CAST: variants seen among roughly 807,000 people sequenced by gnomAD.
CAST encodes the protein calpastatin.
In CAST, 76 loss-of-function variants were observed where a neutral mutation model predicts 119.6. That is an observed-to-expected ratio of 0.64 (90% CI 0.53 to 0.77). The LOEUF (loss-of-function observed/expected upper bound fraction) is 0.77, where lower values mean the gene tolerates loss of function less well. Ranked by LOEUF, CAST falls within the 30% of genes least tolerant of loss-of-function variation. CAST has a pLI of 0.00. For synonymous variants in CAST, 319 were observed against 331.6 expected (o/e 0.96, Z 0.41); for missense variants, 953 against 946.5 (o/e 1.01, Z -0.09).
the CAST span, among the ~76,000 whole-genome samples, chr5:95,989,741 G>C: frequency 6.6e-6 from 1 of 152,154 alleles, no homozygotes; most frequent in South Asian, 2.1e-4. Flanking sequence ...TTGAAGGTAA[G>C]TTAAAGATCA....
intron 20 of CAST, among the ~76,000 whole-genome samples, chr5:96,751,358 A>G (rs1765011072): frequency 6.6e-6 from 1 of 152,102 alleles, no homozygotes; most frequent in Non-Finnish European, 1.5e-5. Context: ...ATTGCTCTAG[A>G]TGTTTTGCAA....
the CAST span, among the ~76,000 whole-genome samples, chr5:96,118,451 AC>A: frequency 6.6e-6 from 1 of 152,154 alleles, no homozygotes; most frequent in Non-Finnish European, 1.5e-5. Flanking sequence ...TGTTTCTTTC[AC>A]GTAGAGTTTG....
intron 24 of CAST, among the ~76,000 whole-genome samples, chr5:96,759,388 AGACT>A (rs1231225750): frequency 7.9e-5 from 12 of 152,192 alleles, no homozygotes; most frequent in Non-Finnish European, 1.6e-4. Flanking sequence ...CATTGATAAT[AGACT>A]ATTTTAAAAC....
At chr5:96,656,818 T>A (rs1044583143) in intron 1 of CAST, among the ~76,000 whole-genome samples, 2 of 152,160 alleles carry the variant, frequency 1.3e-5, no homozygotes, top group Non-Finnish European at 1.5e-5. Flanking sequence ...TGGCCCCTGG[T>A]GCATGCTCTT....
chr5:96,529,387 T>C (rs1363588225), upstream of CAST, among the ~76,000 whole-genome samples: 1 of 147,436 alleles, frequency 6.8e-6, no homozygotes, highest in Non-Finnish European at 1.5e-5. Context: ...TTTTTTTTGG[T>C]TTCTTTTTTG....
the CAST span, among the ~76,000 whole-genome samples, chr5:96,261,461 C>G: frequency 6.6e-6 from 1 of 152,156 alleles, no homozygotes; most frequent in Non-Finnish European, 1.5e-5. Context: ...TAGGGAAAGG[C>G]TATACATGAT....
At chr5:96,020,065 A>G in the CAST span, among the ~76,000 whole-genome samples, 4 of 152,216 alleles carry the variant, frequency 2.6e-5, no homozygotes, top group African/African-American at 9.7e-5. Context: ...TCAGCAAGTA[A>G]GATATTATCC....
At chr5:96,278,002 G>A in the CAST span, among the ~76,000 whole-genome samples, 1 of 152,090 alleles carries the variant, frequency 6.6e-6, no homozygotes, top group African/African-American at 2.4e-5. Flanking sequence ...ACCTTAACTG[G>A]AGGGTGGGGA....
the CAST span, among the ~76,000 whole-genome samples, chr5:96,409,836 A>T: frequency 6.6e-6 from 1 of 152,238 alleles, no homozygotes; most frequent in Non-Finnish European, 1.5e-5. Flanking sequence ...CACACTTCTA[A>T]GTTGAGACCA....
chr5:96,520,531 G>A (rs1745498864), upstream of CAST, among the ~76,000 whole-genome samples: 2 of 152,058 alleles, frequency 1.3e-5, no homozygotes, highest in South Asian at 2.1e-4. Flanking sequence ...GTGTCAGTGT[G>A]TGTGTGTCTG....
intron 1 of CAST, among the ~76,000 whole-genome samples, 186 bp downstream of exon 1, chr5:96,662,683 C>T (rs188846610): frequency 0.011 from 1,031 of 91,162 alleles, 19 homozygotes; most frequent in African/African-American, 0.054. Flanking sequence ...TTCGGTTCCC[C>T]GGCCGGGTCC....
intron 3 of CAST, among the ~76,000 whole-genome samples, chr5:96,698,449 A>G (rs951059931): frequency 1.3e-5 from 2 of 152,100 alleles, no homozygotes; most frequent in African/African-American, 2.4e-5. Context: ...CTTTCTCACC[A>G]TGCTTTTCTG....
chr5:96,732,272 CA>C (rs1760700115), intron 9 of CAST, among the ~76,000 whole-genome samples: 1 of 136,718 alleles, frequency 7.3e-6, no homozygotes, highest in African/African-American at 2.8e-5. Context: ...AGCATTTTTT[CA>C]TGTGTCTTTT....
the CAST span, among the ~76,000 whole-genome samples, chr5:96,051,720 C>G: frequency 9.9e-5 from 15 of 152,248 alleles, no homozygotes; most frequent in African/African-American, 3.6e-4. Flanking sequence ...TCGACCACCC[C>G]TGTGTTATAA....
the CAST span, among the ~76,000 whole-genome samples, chr5:96,036,750 G>T: frequency 1.3e-5 from 2 of 152,002 alleles, no homozygotes; most frequent in Non-Finnish European, 2.9e-5. Flanking sequence ...TAACTATTTT[G>T]AAATAAGCCC....
chr5:96,606,966 A>G (rs912534513), intron 1 of CAST, among the ~76,000 whole-genome samples: 1 of 152,226 alleles, frequency 6.6e-6, no homozygotes, highest in African/African-American at 2.4e-5. Flanking sequence ...AAAAGCCCCC[A>G]GATGAATCTG....
At chr5:96,159,698 T>A in the CAST span, among the ~76,000 whole-genome samples, 1 of 152,236 alleles carries the variant, frequency 6.6e-6, no homozygotes, top group African/African-American at 2.4e-5. Flanking sequence ...TTTAGTCCAG[T>A]AGATATACTT....
chr5:96,273,903 T>G, the CAST span, among the ~76,000 whole-genome samples: 1 of 152,192 alleles, frequency 6.6e-6, no homozygotes, highest in East Asian at 1.9e-4. Context: ...CACATCCCTG[T>G]GCCTGTCATT....
At chr5:96,061,136 C>A in the CAST span, among the ~76,000 whole-genome samples, 3 of 152,090 alleles carry the variant, frequency 2.0e-5, no homozygotes, top group Admixed American at 6.6e-5. Flanking sequence ...CAGGCTTCAA[C>A]AATTTTTGGA....
Sources: gnomAD v4.1 joint callset for allele counts (sites outside exome capture counted in the v4.1 genomes callset) on GRCh38, gnomAD v4.1.1 for gene constraint, MANE v1.5 for transcripts, NCBI Gene and HGNC (gene_info 2026-07-23, HGNC 2026-07-21) for gene names.